Variants in CALB1 observed in about 807,000 individuals in gnomAD.
The protein encoded by CALB1 is calbindin 1, also known as calbindin.
CALB1 carries 16 observed loss-of-function variants against 46.7 expected under a neutral mutation model. That is an observed-to-expected ratio of 0.34 (90% CI 0.23 to 0.52). The LOEUF is 0.52. Ranked by LOEUF, CALB1 falls within the 20% of genes least tolerant of loss-of-function variation. CALB1 has a pLI of 0.95. For synonymous variants in CALB1, 90 were observed against 112.8 expected (o/e 0.80, Z 1.28); for missense variants, 224 against 300.3 (o/e 0.75, Z 1.88).
chr8:90,061,469 T>G (rs1030183675), intron 9 of CALB1: 1 of 152,182 alleles, frequency 6.6e-6, no homozygotes, highest in Non-Finnish European at 1.5e-5. Context: ...ATTATTTTTA[T>G]AGAGAGAAAA....
chr8:90,066,846 A>C (rs960483900), intron 5 of CALB1, among the ~76,000 whole-genome samples: 1 of 152,062 alleles, frequency 6.6e-6, no homozygotes, highest in African/African-American at 2.4e-5. Flanking sequence ...AAAATGAATT[A>C]ATGCAATTAG....
chr8:90,079,683 CA>C (rs1336312734), intron 2 of CALB1, among the ~76,000 whole-genome samples: 5 of 151,822 alleles, frequency 3.3e-5, no homozygotes, highest in Non-Finnish European at 3.0e-5. Flanking sequence ...TTAAACAGTG[CA>C]AAACATATAA....
At position 90,060,132 on chromosome 8, in the gene CALB1, A is replaced by T; in HGVS notation, c.*41T>A. ...CCCTTATAGTGCACAGTTATTTTTT[A>T]GATACAGTGTATCACTAGCAAGTGG... On this transcript the variant is annotated 3_prime_UTR_variant, in exon 11 of 11. Coordinates refer to ENST00000265431, the MANE Select transcript of CALB1 (RefSeq NM_004929.4). 8.9e-7 allele frequency: 1 copy of T among 1,120,494 alleles called. No individual in the cohort carries two copies. Among genetic ancestry groups the T allele is most frequent in the Non-Finnish European group, 1.4e-6 (1 of 729,958 alleles). 69.4% of individuals were successfully genotyped at this position (1,120,494 alleles called of 1,614,324 possible). A position where few individuals can be genotyped will look rare whatever the true frequency, so the allele number is the denominator to read the frequency against.
At chr8:90,067,975 CAGAT>C (rs771920524) in intron 5 of CALB1, among the ~76,000 whole-genome samples, 8 of 152,128 alleles carry the variant, frequency 5.3e-5, no homozygotes, top group Non-Finnish European at 8.8e-5. Flanking sequence ...CTCTGCCTGA[CAGAT>C]AGTCAGTAAA....
chr8:90,080,298 T>C lies in CALB1; in HGVS notation c.156+1728A>G, dbSNP rs75069313. ...ATTGCTTACAAAAAGGTACAAATATTAAAATCAGAGGAAGAAAAATATTTT... is the reference window on the plus strand; with the variant it reads ...ATTGCTTACAAAAAGGTACAAATATCAAAATCAGAGGAAGAAAAATATTTT... On this transcript the variant is annotated intron_variant, in intron 2 of 10. Transcript: ENST00000265431. 6.9e-3 allele frequency among the ~76,000 whole-genome samples: 1,053 copies of C among 152,022 alleles called. 9 individuals are homozygous for C. The highest frequency in any genetic ancestry group is 0.024 in the African/African-American group (981 of 41,556).
At chr8:90,073,136 A>G (rs1814564088) in intron 3 of CALB1, among the ~76,000 whole-genome samples, 1 of 152,226 alleles carries the variant, frequency 6.6e-6, no homozygotes, top group Non-Finnish European at 1.5e-5. Context: ...AGCAATATAT[A>G]AAGGTAATTA....
intron 3 of CALB1, among the ~76,000 whole-genome samples, chr8:90,070,473 A>G (rs1218324363): frequency 6.6e-6 from 1 of 152,196 alleles, no homozygotes; most frequent in Non-Finnish European, 1.5e-5. Flanking sequence ...TCATTTAAAA[A>G]TTTAATATTT....
Position 90,060,676 on chromosome 8 carries a change from T to C in CALB1, c.625A>G (p.Asn209Asp). The C allele has an allele frequency of 6.2e-7, 1 of 1,613,834 alleles. No homozygotes were observed. Among genetic ancestry groups the C allele is most frequent in the Non-Finnish European group, 8.5e-7 (1 of 1,179,730 alleles). Reference protein sequence around the residue: ...DQDGNGYIDENELDALLKDLC... With the variant: ...DQDGNGYIDEDELDALLKDLC... ...TCCTTCAGTAAAGCATCCAGTTCATTTTCATCTATGTATCCATTGCCGTCC... is the reference window on the plus strand; with the variant it reads ...TCCTTCAGTAAAGCATCCAGTTCATCTTCATCTATGTATCCATTGCCGTCC... Residue 209 changes from asparagine (N) to aspartate (D), a missense_variant, in exon 10 of 11, where the codon AAT (asparagine) becomes GAT (aspartate). Coordinates refer to ENST00000265431, the MANE Select transcript of CALB1 (RefSeq NM_004929.4).
chr8:90,067,834 T>C (rs981807363), intron 5 of CALB1, among the ~76,000 whole-genome samples: 1 of 152,210 alleles, frequency 6.6e-6, no homozygotes, highest in Non-Finnish European at 1.5e-5. Flanking sequence ...CCTAGGCAGC[T>C]GTGTAATCTT....
At chr8:90,062,819 C>A in intron 9 of CALB1, 1 of 291,088 alleles carries the variant, frequency 3.4e-6, no homozygotes, top group Non-Finnish European at 6.4e-6. Context: ...AATCTCAGCA[C>A]AAGACAAATT....
intron 5 of CALB1, among the ~76,000 whole-genome samples, chr8:90,066,701 G>A (rs1814405140): frequency 6.6e-6 from 1 of 152,044 alleles, no homozygotes; most frequent in Non-Finnish European, 1.5e-5. Flanking sequence ...GCTTAGGAAT[G>A]AATTTAAGTT....
At chr8:90,070,620 C>T (rs1255799994) in intron 3 of CALB1, among the ~76,000 whole-genome samples, 2 of 152,086 alleles carry the variant, frequency 1.3e-5, no homozygotes, top group Non-Finnish European at 2.9e-5. Context: ...ATACGCACCA[C>T]ACATGTGGGT....
chr8:90,066,290 C>T (rs1814395121), intron 5 of CALB1, among the ~76,000 whole-genome samples: 3 of 151,934 alleles, frequency 2.0e-5, no homozygotes, highest in African/African-American at 7.2e-5. Flanking sequence ...CCAGCCAGCC[C>T]AATGGATGCA....
chr8:90,071,403 C>A (rs1814513442), intron 3 of CALB1, among the ~76,000 whole-genome samples: 1 of 151,922 alleles, frequency 6.6e-6, no homozygotes. Flanking sequence ...CCCCCCAGAG[C>A]TAAGGGGGAA....
chr8:90,069,358 G>A, intron 3 of CALB1, 121 bp from the exon 4 acceptor site: 1 of 745,192 alleles, frequency 1.3e-6, no homozygotes, highest in Non-Finnish European at 2.4e-6. Flanking sequence ...AGTAGGAGAG[G>A]AAAAACATTA....
chr8:90,075,169 G>A (rs1222584827), intron 3 of CALB1, among the ~76,000 whole-genome samples: 1 of 152,160 alleles, frequency 6.6e-6, no homozygotes, highest in Non-Finnish European at 1.5e-5. Context: ...TTTGTTTCTA[G>A]GTAGCAAATG....
intron 6 of CALB1, among the ~76,000 whole-genome samples, chr8:90,064,628 A>C (rs1483101797): frequency 6.6e-6 from 1 of 151,766 alleles, no homozygotes; most frequent in Non-Finnish European, 1.5e-5. Flanking sequence ...ATTGGAACAA[A>C]ATAGAAAATT....
chr8:90,065,017 G>A (rs1814366734), intron 6 of CALB1, among the ~76,000 whole-genome samples: 1 of 151,726 alleles, frequency 6.6e-6, no homozygotes, highest in Non-Finnish European at 1.5e-5. Flanking sequence ...TAATATAACA[G>A]TAGCTTTTAT....
intron 5 of CALB1, among the ~76,000 whole-genome samples, chr8:90,067,064 A>G (rs188643473): frequency 4.6e-5 from 7 of 152,210 alleles, no homozygotes; most frequent in African/African-American, 1.4e-4. Context: ...GGAAAATTCA[A>G]AGTTATCTGT....
Sources: gnomAD v4.1 joint callset for allele counts (sites outside exome capture counted in the v4.1 genomes callset) on GRCh38, gnomAD v4.1.1 for gene constraint, MANE v1.5 for transcripts, NCBI Gene and HGNC (gene_info 2026-07-23, HGNC 2026-07-21) for gene names.